AKAP13: variants seen among roughly 807,000 people sequenced by gnomAD.
AKAP13 encodes the protein A-kinase anchor protein 13.
A neutral mutation model predicts 264.5 loss-of-function variants in AKAP13; 80 were observed. The observed-to-expected ratio is 0.30, with a 90% CI of 0.25 to 0.36. AKAP13 has a LOEUF of 0.36. AKAP13 is among the 10% of genes least tolerant of loss of function. The pLI, the probability that AKAP13 is intolerant of heterozygous loss-of-function variation, is 1.00. For missense variants in AKAP13, 3,712 were observed against 3,435.2 expected, an observed-to-expected ratio of 1.08 and a Z score of -2.01; for synonymous variants, 1,380 against 1,250.2, an observed-to-expected ratio of 1.10 and a Z score of -2.19.
intron 2 of AKAP13, among the ~76,000 whole-genome samples, chr15:85,513,119 T>C (rs912153477): frequency 2.0e-5 from 3 of 152,182 alleles, no homozygotes; most frequent in African/African-American, 7.2e-5. Flanking sequence ...GTTGACTATT[T>C]TTGTAATTTT....
At chr15:85,529,952 G>A (rs73450367) in intron 3 of AKAP13, among the ~76,000 whole-genome samples, 3,013 of 152,106 alleles carry the variant, frequency 0.02, 96 homozygotes, top group African/African-American at 0.069. Context: ...TTTTGAATTC[G>A]TGTCTGAAGG....
At chr15:85,564,574 A>G (rs1051056542) in intron 5 of AKAP13, among the ~76,000 whole-genome samples, 1 of 152,126 alleles carries the variant, frequency 6.6e-6, no homozygotes, top group Non-Finnish European at 1.5e-5. Flanking sequence ...TCTTTTAAGT[A>G]TTTTTCCTCC....
chr15:85,744,584 C>G, intron 36 of AKAP13, 44 bp from the exon 37 acceptor site: 1 of 1,600,766 alleles, frequency 6.2e-7, no homozygotes, highest in Non-Finnish European at 8.6e-7. Context: ...ATGAAAGGAG[C>G]AGTTTTTCTG....
intron 5 of AKAP13, among the ~76,000 whole-genome samples, chr15:85,566,565 G>A (rs957893644): frequency 1.3e-5 from 2 of 151,798 alleles, no homozygotes; most frequent in African/African-American, 4.8e-5. Context: ...ATTAGTTTAT[G>A]AGGCTAGACC....
chr15:85,718,239 A>AAAATCAGTT lies in AKAP13; in HGVS notation c.6001+81_6001+89dup. 1 of 1,543,844 alleles carries AAAATCAGTT rather than the reference A, an allele frequency of 6.5e-7. No individual in the cohort carries two copies. The highest frequency in any genetic ancestry group is 8.8e-7 in the Non-Finnish European group (1 of 1,137,612). On this transcript the variant is annotated intron_variant, in intron 22 of 36. Coordinates refer to ENST00000394518, the MANE Select transcript of AKAP13 (RefSeq NM_007200.5). The surrounding 1 kb of genome is among the most constrained non-coding windows in gnomAD (Gnocchi z 4.9). ...TAAGCAGTAATTTGTTGGACTATGA[A>AAAATCAGTT]AAATCAGTTTTTTAGTATGTGGCTT...
At chr15:85,578,794 T>G (rs1432487935) in intron 6 of AKAP13, 136 bp from the exon 7 acceptor site, 4 of 758,054 alleles carry the variant, frequency 5.3e-6, no homozygotes, top group Non-Finnish European at 6.4e-6. Context: ...TTGTATTCTT[T>G]TAGATTCGCT....
At chr15:85,613,928 T>G (rs747535432) in intron 8 of AKAP13, among the ~76,000 whole-genome samples, 26 of 151,844 alleles carry the variant, frequency 1.7e-4, no homozygotes, top group Non-Finnish European at 2.9e-4. Context: ...AGAGAATATA[T>G]CTATACAGAA....
chr15:85,397,073 C>T (rs750851736), intron 1 of AKAP13, among the ~76,000 whole-genome samples: 1 of 123,362 alleles, frequency 8.1e-6, no homozygotes, highest in Non-Finnish European at 1.6e-5. Flanking sequence ...TAATGCATTC[C>T]CAAGTATTTT....
intron 1 of AKAP13, among the ~76,000 whole-genome samples, chr15:85,440,831 C>A (rs1261195390): frequency 1.3e-5 from 2 of 152,012 alleles, no homozygotes; most frequent in Non-Finnish European, 2.9e-5. Flanking sequence ...CATTTAGAAG[C>A]CAAGGATTAA....
chr15:85,717,453 G>T, intron 21 of AKAP13, 51 bp downstream of exon 21: 1 of 1,264,290 alleles, frequency 7.9e-7, no homozygotes, highest in South Asian at 1.3e-5. Flanking sequence ...GACTGTGTGT[G>T]TGTCATTACC....
At chr15:85,530,834 G>A (rs1440621475) in intron 3 of AKAP13, among the ~76,000 whole-genome samples, 1 of 152,058 alleles carries the variant, frequency 6.6e-6, no homozygotes, top group Non-Finnish European at 1.5e-5. Flanking sequence ...GCTATATATG[G>A]TGTTTTGGGT....
At chr15:85,648,618 A>G (rs2082666717) in intron 10 of AKAP13, among the ~76,000 whole-genome samples, 1 of 152,124 alleles carries the variant, frequency 6.6e-6, no homozygotes, top group Non-Finnish European at 1.5e-5. Context: ...CAGGAGGATC[A>G]CTTGAGTCAA....
chr15:85,662,379 C>T (rs1436563395), intron 12 of AKAP13: 4 of 1,614,096 alleles, frequency 2.5e-6, no homozygotes, highest in African/African-American at 1.3e-5. Context: ...TCTTTGATGT[C>T]ATCCCCAGTA....
intron 1 of AKAP13, among the ~76,000 whole-genome samples, chr15:85,441,580 TA>T (rs2073655456): frequency 6.6e-6 from 1 of 152,166 alleles, no homozygotes; most frequent in Non-Finnish European, 1.5e-5. Context: ...ATCTTTGCCT[TA>T]GCCAAGATCA....
At chr15:85,531,560 G>A (rs1477719545) in intron 3 of AKAP13, among the ~76,000 whole-genome samples, 1 of 152,232 alleles carries the variant, frequency 6.6e-6, no homozygotes, top group Non-Finnish European at 1.5e-5. Context: ...ATTGATGTCT[G>A]TGTAGTTAGG....
intron 3 of AKAP13, among the ~76,000 whole-genome samples, chr15:85,530,696 A>G (rs561105580): frequency 3.4e-4 from 52 of 152,342 alleles, no homozygotes; most frequent in African/African-American, 9.1e-4. Flanking sequence ...ACAATGCTAT[A>G]TATTGATTCT....
intron 8 of AKAP13, among the ~76,000 whole-genome samples, chr15:85,631,405 C>T (rs1171978040): frequency 4.0e-5 from 6 of 151,564 alleles, no homozygotes; most frequent in African/African-American, 9.7e-5. Flanking sequence ...GAATTATATA[C>T]GTTAAATGGG....
chr15:85,450,549 T>C (rs997604082), intron 1 of AKAP13, among the ~76,000 whole-genome samples: 6 of 152,238 alleles, frequency 3.9e-5, no homozygotes, highest in African/African-American at 1.4e-4. Flanking sequence ...GATTCTGTTA[T>C]GTTGTATCTT....
At chr15:85,406,314 C>T (rs946321375) in intron 1 of AKAP13, among the ~76,000 whole-genome samples, 4 of 152,018 alleles carry the variant, frequency 2.6e-5, no homozygotes, top group Non-Finnish European at 5.9e-5. Context: ...TTAAAATTCC[C>T]ATGACATTGT....
Sources: allele counts gnomAD v4.1 joint callset (sites outside exome capture counted in the v4.1 genomes callset), GRCh38; gene constraint gnomAD v4.1.1; non-coding constraint Gnocchi (gnomAD v3.1); transcripts MANE v1.5; gene names NCBI Gene and HGNC (gene_info 2026-07-23, HGNC 2026-07-21).